Variants in REXO5 observed in about 807,000 individuals in gnomAD.
REXO5 encodes exonuclease NEF-sp.
Under a neutral mutation model 88.5 loss-of-function variants are expected in REXO5, and 48 were observed. The observed-to-expected ratio is 0.54, with a 90% CI of 0.43 to 0.69. The LOEUF is 0.69. Ranked by LOEUF, REXO5 falls within the 30% of genes least tolerant of loss-of-function variation. REXO5 has a pLI of 0.00. For missense variants in REXO5, 749 were observed against 912.2 expected (o/e 0.82, Z 2.30); for synonymous variants, 311 against 336.5 (o/e 0.92, Z 0.83).
chr16:20,813,344 C>CTTTTTTA, intron 3 of REXO5, 42 bp downstream of exon 3: 30 of 643,302 alleles, frequency 4.7e-5, no homozygotes, highest in Non-Finnish European at 6.8e-5. Flanking sequence ...CCAGCGGTTT[C>CTTTTTTA]TTTTTTTTTT....
chr16:20,806,751 G>A (rs574938308), intron 1 of REXO5, 46 bp downstream of exon 1: 1 of 1,010,700 alleles, frequency 9.9e-7, no homozygotes, highest in Admixed American at 2.9e-5. Context: ...AGCGGCGCGG[G>A]TGTCCAGTCC....
intron 19 of REXO5, among the ~76,000 whole-genome samples, chr16:20,847,823 G>T (rs2081633414): frequency 6.6e-6 from 1 of 152,160 alleles, no homozygotes; most frequent in Non-Finnish European, 1.5e-5. Context: ...TAGGTGGACT[G>T]GGTTTTCATG....
chr16:20,843,102 T>A (rs559528894), intron 15 of REXO5, among the ~76,000 whole-genome samples: 4 of 152,198 alleles, frequency 2.6e-5, no homozygotes, highest in South Asian at 2.1e-4. Context: ...TGATGTTGAG[T>A]GTCGCAGGCA....
chr16:20,828,687 G>A (rs2081294327), intron 11 of REXO5, 150 bp downstream of exon 11: 4 of 580,564 alleles, frequency 6.9e-6, no homozygotes, highest in Non-Finnish European at 1.2e-5. Flanking sequence ...CCAGCACTTT[G>A]GGAGGCCAGG....
At position 20,844,032 on chromosome 16, in the gene REXO5, G is replaced by T; in HGVS notation, c.1719+6G>T. ...TAGATGGTATCTGCATCAAGGTAGG[G>T]TGACAAGAGAAAGCCCCCTTTGCTT... On this transcript the variant is annotated splice_donor_region_variant and intron_variant, in intron 16 of 19. Coordinates refer to ENST00000261377, the MANE Select transcript of REXO5 (RefSeq NM_030941.3). 6.4e-7 allele frequency: 1 copy of T among 1,559,982 alleles called. No homozygotes were observed. Among genetic ancestry groups the T allele is most frequent in the Non-Finnish European group, 8.8e-7 (1 of 1,130,574 alleles).
At chr16:20,835,287 C>T (rs2081408943) in intron 13 of REXO5, among the ~76,000 whole-genome samples, 1 of 152,058 alleles carries the variant, frequency 6.6e-6, no homozygotes, top group African/African-American at 2.4e-5. Flanking sequence ...TATGCCTGGC[C>T]AGATCCTTTT....
At position 20,807,035 on chromosome 16, in the gene REXO5, G is replaced by C. The variant is rs753087699; in HGVS notation, c.82G>C (p.Ala28Pro). The change falls in exon 2 of 20, where the codon GCA (alanine) becomes CCA (proline). Residue 28 changes from alanine (A) to proline (P), a missense_variant. Ala to Pro is a conservative substitution (Grantham distance 27). Transcript: ENST00000261377. ...SRQAPNKLVG[A>P]AEAMKAGWDL... ...GCAGGCCCCAAATAAGCTGGTCGGG[G>C]CAGCTGAGGCGATGAAAGCCGGTTG... 2 of 1,603,692 alleles carry C rather than the reference G, an allele frequency of 1.2e-6. No individual in the cohort carries two copies. Among genetic ancestry groups the C allele is most frequent in the Non-Finnish European group, 1.7e-6 (2 of 1,175,808 alleles).
chr16:20,806,891 C>A, intron 1 of REXO5, 61 bp from the exon 2 acceptor site: 2 of 1,524,546 alleles, frequency 1.3e-6, no homozygotes, highest in Non-Finnish European at 1.8e-6. Context: ...CGCTAGGAGG[C>A]GGCACGCGGG....
rs773462858 is a variant in REXO5 at position 20,815,063 on chromosome 16, G to A, written c.378+10G>A. The A allele has an allele frequency of 1.2e-6, 2 of 1,608,412 alleles. No individual in the cohort carries two copies. The highest frequency in any genetic ancestry group is 2.2e-5 in the East Asian group (1 of 44,668). On this transcript the variant is annotated intron_variant, in intron 4 of 19. Coordinates refer to ENST00000261377, the MANE Select transcript of REXO5 (RefSeq NM_030941.3). ...AAAAGCATTCAGACATGTAAGTTAA[G>A]AATACTTTGTACTAGGGGCTGAGTC...
intron 15 of REXO5, among the ~76,000 whole-genome samples, chr16:20,841,855 C>T (rs2081532715): frequency 6.6e-6 from 1 of 152,150 alleles, no homozygotes; most frequent in Admixed American, 6.5e-5. Context: ...ATCCACCTCC[C>T]AAAGTGCTGG....
intron 2 of REXO5, among the ~76,000 whole-genome samples, chr16:20,812,832 T>G (rs1308090093): frequency 6.6e-6 from 1 of 152,198 alleles, no homozygotes; most frequent in African/African-American, 2.4e-5. Flanking sequence ...GCAGTTAGAC[T>G]CCTTGTTCTC....
intron 13 of REXO5, among the ~76,000 whole-genome samples, chr16:20,838,259 CTCT>C (rs1358822879): frequency 6.6e-6 from 1 of 152,098 alleles, no homozygotes; most frequent in Non-Finnish European, 1.5e-5. Context: ...TCTCCTGCCT[CTCT>C]TCTTATTGTA....
chr16:20,825,402 G>A (rs1041322549), intron 7 of REXO5, among the ~76,000 whole-genome samples: 1 of 152,030 alleles, frequency 6.6e-6, no homozygotes, highest in Non-Finnish European at 1.5e-5. Flanking sequence ...TATCAGCCTC[G>A]GCTTCTCCCT....
chr16:20,818,750 C>T (rs1472670826), intron 5 of REXO5, among the ~76,000 whole-genome samples: 2 of 152,178 alleles, frequency 1.3e-5, no homozygotes, highest in South Asian at 2.1e-4. Flanking sequence ...AAAGTACAGG[C>T]GTGAGCCACT....
At chr16:20,818,560 C>G (rs2081116581) in intron 5 of REXO5, among the ~76,000 whole-genome samples, 1 of 152,188 alleles carries the variant, frequency 6.6e-6, no homozygotes, top group East Asian at 1.9e-4. Flanking sequence ...CCTCTGCCAC[C>G]TGGGTTCAAG....
At chr16:20,837,115 G>A (rs898615816) in intron 13 of REXO5, among the ~76,000 whole-genome samples, 7 of 152,106 alleles carry the variant, frequency 4.6e-5, no homozygotes, top group Non-Finnish European at 8.8e-5. Context: ...TAGTTTCTTA[G>A]GTGTTTGAGG....
chr16:20,806,783 C>T (rs1683552949), intron 1 of REXO5, 78 bp downstream of exon 1: 2 of 1,159,294 alleles, frequency 1.7e-6, no homozygotes, highest in African/African-American at 1.6e-5. Context: ...AGATCGTTGG[C>T]ACCTTCGCTT....
chr16:20,810,426 A>C (rs1427204480), intron 2 of REXO5, among the ~76,000 whole-genome samples: 1 of 149,502 alleles, frequency 6.7e-6, no homozygotes, highest in Non-Finnish European at 1.5e-5. Flanking sequence ...TTTTCTTTTG[A>C]GACAAAAGTC....
chr16:20,819,382 TCTTTC>T (rs1005416718), intron 5 of REXO5, among the ~76,000 whole-genome samples: 39 of 151,972 alleles, frequency 2.6e-4, no homozygotes, highest in Middle Eastern at 6.8e-3. Context: ...TTTCTTCATT[TCTTTC>T]CTTTCCTTTC....
Sources: gnomAD v4.1 joint callset for allele counts (sites outside exome capture counted in the v4.1 genomes callset) on GRCh38, gnomAD v4.1.1 for gene constraint, MANE v1.5 for transcripts, NCBI Gene and HGNC (gene_info 2026-07-23, HGNC 2026-07-21) for gene names.